Variants in MELK observed in about 807,000 individuals in gnomAD.
MELK encodes maternal embryonic leucine zipper kinase.
MELK carries 81 observed loss-of-function variants against 85.0 expected under a neutral mutation model. The ratio of observed to expected loss-of-function variants is 0.95; its 90% CI spans 0.80 to 1.15. The LOEUF is 1.15. MELK is among the 50% of genes most tolerant of loss of function. The probability of loss-of-function intolerance (pLI) is 0.00; values close to 1 mark genes in which losing one functional copy is unlikely to be tolerated. For missense variants in MELK, 754 were observed against 777.5 expected, an observed-to-expected ratio of 0.97 and a Z score of 0.36; for synonymous variants, 252 against 265.0, an observed-to-expected ratio of 0.95 and a Z score of 0.48.
chr9:36,656,862 C>G (rs1172493923), intron 12 of MELK, among the ~76,000 whole-genome samples: 5 of 152,214 alleles, frequency 3.3e-5, no homozygotes, highest in Non-Finnish European at 7.3e-5. Flanking sequence ...AGTGATCCAC[C>G]TGTGTCAGCC....
In MELK at chr9:36,643,023, A is replaced by G. The variant is rs1587540406; in HGVS notation, c.861A>G (p.Val287=). 6.2e-7 allele frequency: 1 copy of G among 1,612,198 alleles called. No individual in the cohort carries two copies. The highest frequency in any genetic ancestry group is 8.5e-7 in the Non-Finnish European group (1 of 1,179,398). ...TTATTCACCTCGATGATGATTGCGT[A>G]ACAGAACTTTCTGTACATCACAGAA... The part of the protein sequence containing the change: ...NPFIHLDDDC[V]TELSVHHRNN... Residue 287 remains valine (V), a synonymous_variant, in exon 11 of 18, where the codon GTA becomes GTG. Transcript: ENST00000298048.
chr9:36,643,700 T>C (rs1340798639), intron 11 of MELK, among the ~76,000 whole-genome samples: 2 of 151,910 alleles, frequency 1.3e-5, no homozygotes, highest in African/African-American at 4.8e-5. Flanking sequence ...TTTCGGAGGC[T>C]GAGGTGGGCG....
intron 4 of MELK, among the ~76,000 whole-genome samples, chr9:36,592,172 C>CTTTTTTTT (rs35073009): frequency 2.8e-4 from 33 of 117,284 alleles, no homozygotes; most frequent in African/African-American, 6.1e-4. Flanking sequence ...CATTTCTTTT[C>CTTTTTTTT]TTTTTTTTTT....
At chr9:36,607,746 A>G (rs1488783748) in intron 8 of MELK, 73 bp downstream of exon 8, 10 of 1,064,540 alleles carry the variant, frequency 9.4e-6, no homozygotes, top group Non-Finnish European at 1.4e-5. Context: ...TCATTCATAA[A>G]TGTACAAAAA....
chr9:36,599,060 C>T (rs1025538763), intron 6 of MELK, among the ~76,000 whole-genome samples: 4 of 152,090 alleles, frequency 2.6e-5, no homozygotes, highest in African/African-American at 9.7e-5. Flanking sequence ...CTTTGGGAGG[C>T]CGAGGCGGGT....
intron 13 of MELK, among the ~76,000 whole-genome samples, chr9:36,658,941 G>A (rs796916669): frequency 2.0e-5 from 3 of 148,464 alleles, no homozygotes; most frequent in African/African-American, 7.5e-5. Flanking sequence ...GACTGCAGTG[G>A]CGCTATCTTG....
At chr9:36,652,026 C>G in intron 12 of MELK, 149 bp downstream of exon 12, 1 of 416,594 alleles carries the variant, frequency 2.4e-6, no homozygotes, top group Admixed American at 4.3e-5. Context: ...ATGGGAAGTT[C>G]TGAAGTTGAA....
At chr9:36,651,394 A>G (rs1358295939) in intron 11 of MELK, among the ~76,000 whole-genome samples, 1 of 152,194 alleles carries the variant, frequency 6.6e-6, no homozygotes, top group African/African-American at 2.4e-5. Context: ...GATGTGTGGG[A>G]AAGGGAGGGA....
intron 4 of MELK, among the ~76,000 whole-genome samples, chr9:36,592,582 G>A (rs1299614060): frequency 2.0e-5 from 3 of 151,962 alleles, no homozygotes; most frequent in Non-Finnish European, 1.5e-5. Context: ...TGTGTGTGTA[G>A]CTTACACACA....
intron 13 of MELK, among the ~76,000 whole-genome samples, chr9:36,658,618 G>A (rs913481029): frequency 1.3e-5 from 2 of 152,042 alleles, no homozygotes; most frequent in South Asian, 4.1e-4. Flanking sequence ...TGCTTGGTAA[G>A]GCCTACGTCT....
chr9:36,661,158 G>A (rs1406797126), intron 13 of MELK, among the ~76,000 whole-genome samples: 1 of 152,168 alleles, frequency 6.6e-6, no homozygotes, highest in Non-Finnish European at 1.5e-5. Flanking sequence ...TCTTCATCGT[G>A]ATTGTGGGCT....
chr9:36,662,269 A>G (rs951088557), intron 13 of MELK, among the ~76,000 whole-genome samples: 1 of 147,534 alleles, frequency 6.8e-6, no homozygotes, highest in African/African-American at 2.5e-5. Flanking sequence ...TTAAGATGGA[A>G]TCTTGCTCTG....
intron 8 of MELK, among the ~76,000 whole-genome samples, chr9:36,615,026 G>T (rs1256066552): frequency 7.0e-6 from 1 of 143,408 alleles, no homozygotes; most frequent in Non-Finnish European, 1.5e-5. Context: ...GGGCAGAGGC[G>T]CCCCTCACCT....
intron 8 of MELK, among the ~76,000 whole-genome samples, chr9:36,625,946 T>A (rs1026214587): frequency 1.3e-5 from 2 of 152,186 alleles, no homozygotes; most frequent in East Asian, 3.9e-4. Context: ...CAGAATTGTT[T>A]ATGATATAAT....
Position 36,594,669 on chromosome 9 carries a change from G to C in MELK, c.303G>C (p.Gln101His). 1.2e-6 allele frequency: 2 copies of C among 1,613,996 alleles called. No homozygotes were observed. Among genetic ancestry groups the C allele is most frequent in the East Asian group, 2.2e-5 (1 of 44,880 alleles). The change falls in exon 5 of 18, where the codon CAG becomes CAC. Residue 101 changes from glutamine (Q) to histidine (H), a missense_variant. Physicochemically the swap from Gln to His is conservative, Grantham distance 24. Transcript: ENST00000298048. ...AGCTGTTTGACTATATAATTTCCCA[G>C]GATCGCCTGTCAGAAGAGGAGACCC... ...GGELFDYIIS[Q>H]DRLSEEETRV...
chr9:36,672,061 G>A (rs1457262680), intron 16 of MELK, among the ~76,000 whole-genome samples: 12 of 152,276 alleles, frequency 7.9e-5, no homozygotes, highest in East Asian at 1.9e-4. Flanking sequence ...TGAGACTCTC[G>A]TAATGAGCAA....
intron 10 of MELK, among the ~76,000 whole-genome samples, chr9:36,634,274 A>T (rs767059564): frequency 6.6e-6 from 1 of 152,232 alleles, no homozygotes; most frequent in Non-Finnish European, 1.5e-5. Context: ...CTAAAATTCT[A>T]TCATTGACAA....
At chr9:36,654,295 T>G in intron 12 of MELK, among the ~76,000 whole-genome samples, 1 of 152,048 alleles carries the variant, frequency 6.6e-6, no homozygotes, top group Non-Finnish European at 1.5e-5. Context: ...AATTTTAAAA[T>G]TTACGACACC....
At position 36,630,332 on chromosome 9, in the gene MELK, C is replaced by T; in HGVS notation, c.700C>T (p.Pro234Ser). The change falls in exon 9 of 18, where the codon CCC becomes TCC. Residue 234 changes from proline (P) to serine (S), a missense_variant. Physicochemically the swap from Pro to Ser is moderately conservative, Grantham distance 74. Transcript: ENST00000298048. ...GKYDVPKWLSPSSILLLQQML... is the reference protein window; with the variant it reads ...GKYDVPKWLSSSSILLLQQML... ...ATATGATGTTCCCAAGTGGCTCTCT[C>T]CCAGTAGCATTCTGCTTCTTCAACA... 1 of 1,612,034 alleles carries T rather than the reference C, an allele frequency of 6.2e-7. No homozygotes were observed.
Sources: allele counts gnomAD v4.1 joint callset (sites outside exome capture counted in the v4.1 genomes callset), GRCh38; gene constraint gnomAD v4.1.1; transcripts MANE v1.5; gene names NCBI Gene and HGNC (gene_info 2026-07-23, HGNC 2026-07-21).